EPHB1: variants seen among roughly 807,000 people sequenced by gnomAD.
The protein encoded by EPHB1 is ephrin type-B receptor 1.
A neutral mutation model predicts 94.4 loss-of-function variants in EPHB1; 30 were observed. That is an observed-to-expected ratio of 0.32 (90% CI 0.24 to 0.43). The LOEUF is 0.43. EPHB1 is among the 20% of genes least tolerant of loss of function. The pLI, the probability that EPHB1 is intolerant of heterozygous loss-of-function variation, is 1.00. For synonymous variants in EPHB1, 522 were observed against 489.1 expected, an observed-to-expected ratio of 1.07 and a Z score of -0.89; for missense variants, 1,055 against 1,308.3, an observed-to-expected ratio of 0.81 and a Z score of 2.99.
At chr3:135,252,382 C>T (rs1318316330) in intron 15 of EPHB1, among the ~76,000 whole-genome samples, 1 of 119,566 alleles carries the variant, frequency 8.4e-6, no homozygotes, top group African/African-American at 3.2e-5. Flanking sequence ...CACCCCACCA[C>T]AGTCCCCAGA....
chr3:135,087,145 G>T (rs1056952386), intron 3 of EPHB1, among the ~76,000 whole-genome samples: 1 of 152,190 alleles, frequency 6.6e-6, no homozygotes, highest in Non-Finnish European at 1.5e-5. Flanking sequence ...TGTTGGTATT[G>T]CAATTATTAT....
intron 2 of EPHB1, among the ~76,000 whole-genome samples, chr3:134,926,689 G>C (rs2038798818): frequency 6.6e-6 from 1 of 152,178 alleles, no homozygotes; most frequent in South Asian, 2.1e-4. Context: ...GGTGGCGATG[G>C]ACTGTGACTG....
At position 135,093,466 on chromosome 3, in the gene EPHB1, C is replaced by T. The variant is rs181222317; in HGVS notation, c.806-12982C>T. Among the ~76,000 whole-genome samples, 38 of 152,212 alleles carry T rather than the reference C, an allele frequency of 2.5e-4. 1 individual carries two copies. The East Asian group carries it at 6.0e-3, about 24-fold the overall frequency. On this transcript the variant is annotated intron_variant, in intron 3 of 15. Transcript: ENST00000398015. ...GACACGGTGGCCCACACCTGTAATCCCGGCATTTTTGGAGGCCAATATGGG... is the reference window on the plus strand; with the variant it reads ...GACACGGTGGCCCACACCTGTAATCTCGGCATTTTTGGAGGCCAATATGGG...
At chr3:135,143,999 G>A (rs1940921679) in intron 5 of EPHB1, among the ~76,000 whole-genome samples, 1 of 152,096 alleles carries the variant, frequency 6.6e-6, no homozygotes, top group Admixed American at 6.5e-5. Context: ...CCATAGGTGG[G>A]GACCCCTGAT....
intron 1 of EPHB1, among the ~76,000 whole-genome samples, chr3:134,876,637 G>A (rs1229069045): frequency 1.3e-5 from 2 of 152,180 alleles, no homozygotes; most frequent in East Asian, 3.9e-4. Context: ...AGGCTGCAGG[G>A]AGAGGCTCAG....
At chr3:135,033,246 G>A (rs939732137) in intron 3 of EPHB1, among the ~76,000 whole-genome samples, 4 of 152,110 alleles carry the variant, frequency 2.6e-5, no homozygotes, top group African/African-American at 4.8e-5. Context: ...TGGTGGGTTC[G>A]GCTTAAAGAC....
intron 13 of EPHB1, among the ~76,000 whole-genome samples, chr3:135,245,885 G>T (rs1480633546): frequency 6.6e-6 from 1 of 150,760 alleles, no homozygotes; most frequent in East Asian, 2.0e-4. Flanking sequence ...ACAGAATTGA[G>T]TTACATTCGG....
intron 3 of EPHB1, among the ~76,000 whole-genome samples, chr3:134,974,985 TC>T (rs913574601): frequency 5.4e-5 from 5 of 93,148 alleles, no homozygotes; most frequent in Non-Finnish European, 8.4e-5. Context: ...TCTTTTTTCC[TC>T]CCCTCTCTCC....
At chr3:135,204,918 C>A in intron 12 of EPHB1, among the ~76,000 whole-genome samples, 1 of 123,792 alleles carries the variant, frequency 8.1e-6, no homozygotes, top group East Asian at 2.3e-4. Context: ...GGTATTTAAC[C>A]ATACCCCCTA....
chr3:135,078,379 C>T (rs959402650), intron 3 of EPHB1, among the ~76,000 whole-genome samples: 1 of 152,216 alleles, frequency 6.6e-6, no homozygotes, highest in Non-Finnish European at 1.5e-5. Context: ...CTGGGCAGGG[C>T]ACCCCAAGCC....
In EPHB1 at chr3:134,951,642, C is replaced by G. The variant is rs746739761; in HGVS notation, c.395C>G (p.Ala132Gly). The G allele has an allele frequency of 3.1e-6, 5 of 1,614,006 alleles. No homozygotes were observed. The East Asian group carries it at 1.1e-4, about 36-fold the overall frequency. ...ATKKSAFWSE[A>G]PYLKVDTIAA... ...AAGAAGTCAGCCTTCTGGTCTGAGG[C>G]CCCCTACCTCAAAGTAGACACCATT... The change falls in exon 3 of 16, where the codon GCC becomes GGC. Residue 132 changes from alanine to glycine, a missense_variant. Transcript: ENST00000398015. This position sits in a 1 kb window ranked among gnomAD's most constrained non-coding sequence, Gnocchi z 4.5.
chr3:135,044,100 A>G (rs1936928255), intron 3 of EPHB1, among the ~76,000 whole-genome samples: 1 of 152,210 alleles, frequency 6.6e-6, no homozygotes, highest in Non-Finnish European at 1.5e-5. Context: ...TCACTTACAA[A>G]TCACTAACTT....
At chr3:134,848,699 G>A (rs921382768) in intron 1 of EPHB1, among the ~76,000 whole-genome samples, 2 of 152,238 alleles carry the variant, frequency 1.3e-5, no homozygotes, top group Non-Finnish European at 2.9e-5. Context: ...TCTCTCTGCT[G>A]TAGTTGGTAG....
intron 12 of EPHB1, among the ~76,000 whole-genome samples, chr3:135,207,176 C>T (rs940501014): frequency 2.6e-5 from 4 of 152,118 alleles, no homozygotes; most frequent in African/African-American, 9.7e-5. Flanking sequence ...TTTCTGTACA[C>T]ATTATTTGGA....
At chr3:134,883,261 C>A (rs952533690) in intron 1 of EPHB1, among the ~76,000 whole-genome samples, 1 of 152,124 alleles carries the variant, frequency 6.6e-6, no homozygotes, top group Non-Finnish European at 1.5e-5. Context: ...GAAACATATC[C>A]AAACATAACA....
chr3:135,207,994 T>C (rs2107715109), intron 12 of EPHB1, among the ~76,000 whole-genome samples: 1 of 152,098 alleles, frequency 6.6e-6, no homozygotes, highest in African/African-American at 2.4e-5. Flanking sequence ...ATCACCCAAT[T>C]GGGGATTATT....
intron 1 of EPHB1, among the ~76,000 whole-genome samples, chr3:134,851,506 C>G (rs1289226371): frequency 6.6e-6 from 1 of 152,008 alleles, no homozygotes; most frequent in Non-Finnish European, 1.5e-5. Context: ...TTTCTGTAGC[C>G]ACCCGTATGC....
At chr3:134,901,235 T>C (rs928170482) in intron 1 of EPHB1, among the ~76,000 whole-genome samples, 1 of 152,360 alleles carries the variant, frequency 6.6e-6, no homozygotes, top group Non-Finnish European at 1.5e-5. Flanking sequence ...TAGATTTTCC[T>C]GTGTGTCTCA....
intron 1 of EPHB1, among the ~76,000 whole-genome samples, chr3:134,801,470 T>A (rs1233778373): frequency 6.6e-6 from 1 of 152,182 alleles, no homozygotes; most frequent in Non-Finnish European, 1.5e-5. Flanking sequence ...GTCGAGAGCG[T>A]GTTCCTGCAC....
Sources: gnomAD v4.1 joint callset for allele counts (sites outside exome capture counted in the v4.1 genomes callset) on GRCh38, gnomAD v4.1.1 for gene constraint, Gnocchi (gnomAD v3.1) non-coding constraint, MANE v1.5 for transcripts, NCBI Gene and HGNC (gene_info 2026-07-23, HGNC 2026-07-21) for gene names.